UBE2F: variants seen among roughly 807,000 people sequenced by gnomAD.
UBE2F encodes the protein ubiquitin conjugating enzyme E2 F (putative), also known as NEDD8-conjugating enzyme UBE2F.
UBE2F carries 5 observed loss-of-function variants against 29.6 expected under a neutral mutation model. The ratio of observed to expected loss-of-function variants is 0.17; its 90% CI spans 0.09 to 0.36. UBE2F has a LOEUF of 0.36. UBE2F is among the 10% of genes least tolerant of loss of function. The probability of loss-of-function intolerance (pLI) is 1.00; values close to 1 mark genes in which losing one functional copy is unlikely to be tolerated. For missense variants in UBE2F, 141 were observed against 228.5 expected, an observed-to-expected ratio of 0.62 and a Z score of 2.47; for synonymous variants, 66 against 81.8, an observed-to-expected ratio of 0.81 and a Z score of 1.04.
At chr2:237,999,477 CT>C (rs2063750499) in intron 4 of UBE2F, among the ~76,000 whole-genome samples, 1 of 152,094 alleles carries the variant, frequency 6.6e-6, no homozygotes, top group Admixed American at 6.6e-5. Context: ...ATATATGCTC[CT>C]ATGTTTTTTT....
chr2:237,989,395 C>T lies in UBE2F; in HGVS notation c.148+1403C>T, dbSNP rs561649936. Among the ~76,000 whole-genome samples the T allele has an allele frequency of 5.9e-5, 9 of 152,266 alleles. No individual in the cohort carries two copies. In the East Asian group the frequency reaches 1.5e-3, roughly 26 times the overall value. The stretch of plus-strand genomic sequence containing the variant: ...CAAGACAGAGGCTCACTCTGTCGCC[C>T]AGGCTGGAGTGCAGTGGTGAGATCT... On this transcript the variant is annotated intron_variant, in intron 3 of 9. Coordinates refer to ENST00000272930, the MANE Select transcript of UBE2F (RefSeq NM_080678.3).
At chr2:237,997,651 A>G (rs2063717215) in intron 4 of UBE2F, among the ~76,000 whole-genome samples, 1 of 152,212 alleles carries the variant, frequency 6.6e-6, no homozygotes, top group East Asian at 1.9e-4. Flanking sequence ...AATATCTATG[A>G]TCTGGGGGTT....
intron 4 of UBE2F, among the ~76,000 whole-genome samples, chr2:238,004,917 C>A (rs776439446): frequency 1.1e-4 from 16 of 152,144 alleles, no homozygotes; most frequent in Non-Finnish European, 1.3e-4. Flanking sequence ...GGCCCATGAG[C>A]CCTGGATGCT....
At chr2:238,018,854 T>A (rs568316970) in intron 5 of UBE2F, among the ~76,000 whole-genome samples, 43 of 152,184 alleles carry the variant, frequency 2.8e-4, no homozygotes, top group Admixed American at 9.2e-4. Flanking sequence ...TCCTACCACA[T>A]CAGGTGGTGA....
At chr2:238,023,956 G>A (rs1004443745) in intron 5 of UBE2F, among the ~76,000 whole-genome samples, 9 of 152,148 alleles carry the variant, frequency 5.9e-5, no homozygotes, top group African/African-American at 2.2e-4. Flanking sequence ...AGCAGGGTTG[G>A]GAGAAGAGGA....
intron 5 of UBE2F, among the ~76,000 whole-genome samples, chr2:238,021,141 C>T (rs2064282709): frequency 6.6e-6 from 1 of 152,204 alleles, no homozygotes; most frequent in South Asian, 2.1e-4. Context: ...GTTCTTGGCT[C>T]TGGTTTCCTC....
chr2:238,016,534 A>AT (rs755239457), intron 4 of UBE2F, 32 bp from the exon 5 acceptor site: 12 of 1,565,720 alleles, frequency 7.7e-6, no homozygotes, highest in South Asian at 4.6e-5. Context: ...AATTTAAAGG[A>AT]TTTTTTTGTT....
chr2:238,011,274 C>T (rs145985672), intron 4 of UBE2F, among the ~76,000 whole-genome samples: 2 of 152,314 alleles, frequency 1.3e-5, no homozygotes, highest in Non-Finnish European at 2.9e-5. Context: ...ACCACATTGG[C>T]TTCTGCAGGG....
chr2:237,984,880 A>G (rs2063447341), intron 2 of UBE2F, among the ~76,000 whole-genome samples: 2 of 151,718 alleles, frequency 1.3e-5, no homozygotes, highest in Admixed American at 1.3e-4. Flanking sequence ...CCTAGGTTCA[A>G]GTGACCTTCC....
intron 6 of UBE2F, among the ~76,000 whole-genome samples, chr2:238,026,596 G>A (rs2064437190): frequency 6.6e-6 from 1 of 152,090 alleles, no homozygotes; most frequent in Non-Finnish European, 1.5e-5. Flanking sequence ...ACTACGCCCG[G>A]CTAATTTTTG....
intron 6 of UBE2F, among the ~76,000 whole-genome samples, chr2:238,028,223 C>T (rs1311043324): frequency 6.6e-6 from 1 of 152,230 alleles, no homozygotes; most frequent in Non-Finnish European, 1.5e-5. Context: ...CCGGCCTTGC[C>T]TCCCCATTAC....
chr2:238,015,051 CT>C (rs2064122913), intron 4 of UBE2F, among the ~76,000 whole-genome samples: 1 of 152,172 alleles, frequency 6.6e-6, no homozygotes, highest in South Asian at 2.1e-4. Context: ...CGACCTTAGT[CT>C]GCAATCAGTT....
chr2:238,032,245 T>C lies in UBE2F; in HGVS notation c.435T>C (p.Ser145=). 6.2e-7 allele frequency: 1 copy of C among 1,613,232 alleles called. No homozygotes were observed. ...AGGATGTCGTTTGGGGATTAAACTC[T>C]TTGTTTACTGTAAGTACAGTGATCA... The part of the protein sequence containing the change: ...TLKDVVWGLN[S]LFTDLLNFDD... The change falls in exon 8 of 10, where the codon TCT becomes TCC. Residue 145 remains serine, a synonymous_variant. Coordinates refer to ENST00000272930, the MANE Select transcript of UBE2F (RefSeq NM_080678.3).
intron 4 of UBE2F, among the ~76,000 whole-genome samples, chr2:238,014,653 G>A (rs534989882): frequency 2.0e-5 from 3 of 152,308 alleles, no homozygotes; most frequent in African/African-American, 4.8e-5. Flanking sequence ...AGGACAGCGC[G>A]GGTGAAGCAG....
intron 5 of UBE2F, among the ~76,000 whole-genome samples, chr2:238,017,475 T>C (rs2064184613): frequency 6.6e-6 from 1 of 151,908 alleles, no homozygotes; most frequent in Non-Finnish European, 1.5e-5. Context: ...TGGGGAAGAA[T>C]AGAGGAAAAA....
At chr2:238,018,610 G>C (rs1447849035) in intron 5 of UBE2F, among the ~76,000 whole-genome samples, 1 of 152,136 alleles carries the variant, frequency 6.6e-6, no homozygotes, top group African/African-American at 2.4e-5. Flanking sequence ...CTGTTCCCCA[G>C]CCTGGAGTGC....
chr2:238,004,368 G>C (rs1476955220), intron 4 of UBE2F, among the ~76,000 whole-genome samples: 1 of 151,980 alleles, frequency 6.6e-6, no homozygotes, highest in Non-Finnish European at 1.5e-5. Context: ...TTTTGGAGAT[G>C]CGTCTGCTCA....
chr2:238,003,336 AC>A (rs2063836753), intron 4 of UBE2F: 1 of 470,626 alleles, frequency 2.1e-6, no homozygotes, highest in Non-Finnish European at 4.4e-6. Context: ...CATCAGGAAA[AC>A]ATTGACTGCT....
intron 3 of UBE2F, among the ~76,000 whole-genome samples, chr2:237,993,550 A>G (rs948298382): frequency 1.3e-5 from 2 of 152,066 alleles, no homozygotes; most frequent in African/African-American, 4.8e-5. Context: ...CTGTCTCTAC[A>G]AAAGATACAA....
Sources: allele counts gnomAD v4.1 joint callset (sites outside exome capture counted in the v4.1 genomes callset), GRCh38; gene constraint gnomAD v4.1.1; transcripts MANE v1.5; gene names NCBI Gene and HGNC (gene_info 2026-07-23, HGNC 2026-07-21).